Variants in MBNL3 observed in about 807,000 individuals in gnomAD.
MBNL3 encodes the protein muscleblind like splicing regulator 3, also known as muscleblind-like protein 3.
A neutral mutation model predicts 24.5 loss-of-function variants in MBNL3; 6 were observed. The ratio of observed to expected loss-of-function variants is 0.25; its 90% CI spans 0.13 to 0.48. MBNL3 has a LOEUF of 0.48. Among genes scored for constraint, MBNL3 ranks in the 20% least tolerant of loss-of-function variants. The pLI is 0.99. For missense variants in MBNL3, 230 were observed against 293.5 expected, an observed-to-expected ratio of 0.78 and a Z score of 1.58; for synonymous variants, 100 against 101.7, an observed-to-expected ratio of 0.98 and a Z score of 0.10.
At chrX:132,390,019 C>A (rs1936838913) in intron 5 of MBNL3, among the ~76,000 whole-genome samples, 1 of 108,527 alleles carries the variant, frequency 9.2e-6, no homozygotes, top group African/African-American at 3.4e-5. Flanking sequence ...ATGGTGAAAC[C>A]CGGCCTCTAT....
chrX:132,465,202 G>T (rs1412859933), intron 1 of MBNL3, among the ~76,000 whole-genome samples: 1 of 112,114 alleles, frequency 8.9e-6, no homozygotes, highest in Non-Finnish European at 1.9e-5. Flanking sequence ...TACTGTGTGT[G>T]TGCATATTTG....
chrX:132,450,344 T>C (rs1363594543), intron 1 of MBNL3, among the ~76,000 whole-genome samples: 1 of 111,620 alleles, frequency 9.0e-6, no homozygotes, highest in Non-Finnish European at 1.9e-5. Context: ...CATATTTCTT[T>C]GGGGGCTTTG....
intron 1 of MBNL3, among the ~76,000 whole-genome samples, chrX:132,454,100 A>G (rs1279589768): frequency 9.0e-6 from 1 of 111,177 alleles, no homozygotes; most frequent in Non-Finnish European, 1.9e-5. Context: ...TCAAAAAGAA[A>G]AAGAAAAAAG....
At chrX:132,397,798 A>G (rs963769326) in intron 3 of MBNL3, among the ~76,000 whole-genome samples, 2 of 111,073 alleles carry the variant, frequency 1.8e-5, no homozygotes, top group Admixed American at 1.9e-4. Flanking sequence ...ACAATTGAAT[A>G]ATCTCTCTTT....
intron 1 of MBNL3, among the ~76,000 whole-genome samples, chrX:132,484,729 C>G (rs893904335): frequency 2.7e-5 from 3 of 111,537 alleles, no homozygotes; most frequent in Non-Finnish European, 5.6e-5. Context: ...CTAAGCCCTT[C>G]AAGTTCACTC....
intron 1 of MBNL3, among the ~76,000 whole-genome samples, chrX:132,442,143 G>C (rs1190272215): frequency 9.0e-6 from 1 of 111,285 alleles, no homozygotes; most frequent in South Asian, 3.8e-4. Flanking sequence ...TCTCCTTTAG[G>C]GGGTGATGAA....
intron 2 of MBNL3, among the ~76,000 whole-genome samples, chrX:132,419,624 C>T (rs1943609598): frequency 9.0e-6 from 1 of 111,545 alleles, no homozygotes; most frequent in African/African-American, 3.3e-5. Flanking sequence ...ACCGAAAGCT[C>T]AGTTTCAGAG....
At chrX:132,419,967 G>T (rs772350530) in intron 2 of MBNL3, among the ~76,000 whole-genome samples, 2 of 111,631 alleles carry the variant, frequency 1.8e-5, no homozygotes, top group African/African-American at 6.5e-5. Context: ...AGCCCGGGAG[G>T]CTGAGGCTGC....
intron 1 of MBNL3, among the ~76,000 whole-genome samples, chrX:132,458,603 ACT>A (rs1489954314): frequency 1.8e-5 from 2 of 109,980 alleles, no homozygotes; most frequent in African/African-American, 6.6e-5. Context: ...TTATAACAAC[ACT>A]CTCTCATGAG....
intron 1 of MBNL3, among the ~76,000 whole-genome samples, chrX:132,470,850 T>C (rs908437306): frequency 2.7e-5 from 3 of 111,671 alleles, no homozygotes; most frequent in Non-Finnish European, 5.6e-5. Context: ...GCTAATACAC[T>C]GTGGAAGTGA....
chrX:132,418,817 G>A (rs1301283656), intron 2 of MBNL3, among the ~76,000 whole-genome samples: 2 of 112,553 alleles, frequency 1.8e-5, no homozygotes, highest in Non-Finnish European at 3.8e-5. Context: ...CTGTTGCCCA[G>A]GCTGGAGTGC....
At chrX:132,437,950 A>AAAAAAAC (rs1945202015) in intron 2 of MBNL3, 1 of 637,732 alleles carries the variant, frequency 1.6e-6, no homozygotes, top group African/African-American at 2.4e-5. Context: ...TGGTCTGCAA[A>AAAAAAAC]AAAAAACAAA....
chrX:132,388,635 C>T, intron 5 of MBNL3, among the ~76,000 whole-genome samples: 1 of 111,465 alleles, frequency 9.0e-6, no homozygotes, highest in Non-Finnish European at 1.9e-5. Context: ...CCTGATGGGT[C>T]AGTGCCCAGT....
chrX:132,393,831 C>G (rs1435760455), intron 3 of MBNL3, among the ~76,000 whole-genome samples: 1 of 110,972 alleles, frequency 9.0e-6, no homozygotes, highest in East Asian at 2.8e-4. Context: ...TGTGCCCATA[C>G]CTGCTAAGTC....
intron 3 of MBNL3, among the ~76,000 whole-genome samples, chrX:132,395,751 T>TTGAG (rs754269376): frequency 8.9e-6 from 1 of 111,765 alleles, no homozygotes; most frequent in South Asian, 3.7e-4. Context: ...CTAATCTTTT[T>TTGAG]TGAGTCCAGG....
At chrX:132,436,491 CAACAA>C (rs927979180) in intron 2 of MBNL3, among the ~76,000 whole-genome samples, 6 of 111,785 alleles carry the variant, frequency 5.4e-5, no homozygotes, top group Admixed American at 9.5e-5. Flanking sequence ...TACACAACAA[CAACAA>C]AACAAAACAA....
intron 1 of MBNL3, among the ~76,000 whole-genome samples, chrX:132,462,573 C>A (rs952795656): frequency 8.9e-6 from 1 of 111,784 alleles, no homozygotes; most frequent in Non-Finnish European, 1.9e-5. Context: ...GAGACCACTG[C>A]AGGACATTTT....
chrX:132,458,270 T>C (rs1349603720), intron 1 of MBNL3, among the ~76,000 whole-genome samples: 1 of 108,845 alleles, frequency 9.2e-6, no homozygotes, highest in Non-Finnish European at 1.9e-5. Flanking sequence ...GGATAAGTGA[T>C]ATGATTTTAG....
intron 2 of MBNL3, chrX:132,411,236 C>A (rs781699872): frequency 1.3e-6 from 1 of 752,169 alleles, no homozygotes; most frequent in African/African-American, 2.3e-5. Context: ...ATCCCATACA[C>A]ACATACACAG....
Sources: gnomAD v4.1 joint callset for allele counts (sites outside exome capture counted in the v4.1 genomes callset) on GRCh38, gnomAD v4.1.1 for gene constraint, MANE v1.5 for transcripts, NCBI Gene and HGNC (gene_info 2026-07-23, HGNC 2026-07-21) for gene names.